DIP2C: variants seen among roughly 807,000 people sequenced by gnomAD.
The protein encoded by DIP2C is disco-interacting protein 2 homolog C.
In DIP2C, 33 loss-of-function variants were observed where a neutral mutation model predicts 192.4. The ratio of observed to expected loss-of-function variants is 0.17; its 90% CI spans 0.13 to 0.23. The LOEUF (loss-of-function observed/expected upper bound fraction) is 0.23. Among genes scored for constraint, DIP2C ranks in the 10% least tolerant of loss-of-function variants. DIP2C has a pLI of 1.00. For missense variants in DIP2C, 1,537 were observed against 2,110.1 expected, an observed-to-expected ratio of 0.73 and a Z score of 5.32; for synonymous variants, 979 against 864.1, an observed-to-expected ratio of 1.13 and a Z score of -2.33.
At chr10:687,270 C>T (rs1426064725) in intron 1 of DIP2C, among the ~76,000 whole-genome samples, 1 of 152,180 alleles carries the variant, frequency 6.6e-6, no homozygotes, top group African/African-American at 2.4e-5. Flanking sequence ...CTAATTTAAG[C>T]CTGTAAAACT....
intron 1 of DIP2C, among the ~76,000 whole-genome samples, chr10:591,085 C>T (rs1458113804): frequency 2.2e-5 from 3 of 134,324 alleles, no homozygotes; most frequent in African/African-American, 1.1e-4. Flanking sequence ...GCCGCCACCT[C>T]CATCACAGAT....
At chr10:597,281 C>CA (rs1254964363) in intron 1 of DIP2C, among the ~76,000 whole-genome samples, 1 of 152,222 alleles carries the variant, frequency 6.6e-6, no homozygotes. Flanking sequence ...CCCAGGCCTC[C>CA]AGGTTGCAGG....
At chr10:340,271 CAT>C (rs1240823115) in intron 29 of DIP2C, among the ~76,000 whole-genome samples, 4 of 150,630 alleles carry the variant, frequency 2.7e-5, no homozygotes, top group African/African-American at 9.8e-5. Flanking sequence ...AATATATTAA[CAT>C]ATATTTATTC....
intron 3 of DIP2C, among the ~76,000 whole-genome samples, chr10:462,308 G>C (rs1402874050): frequency 6.6e-6 from 1 of 151,948 alleles, no homozygotes; most frequent in African/African-American, 2.4e-5. Context: ...AAAGAGAGAA[G>C]AATCAAATAG....
intron 1 of DIP2C, among the ~76,000 whole-genome samples, chr10:495,232 CAG>C (rs917791322): frequency 1.6e-4 from 25 of 152,240 alleles, no homozygotes; most frequent in Non-Finnish European, 2.9e-4. Flanking sequence ...GAAGGGGAAA[CAG>C]GGAGATGCTG....
chr10:509,154 C>CG (rs1467502722), intron 1 of DIP2C, among the ~76,000 whole-genome samples: 1 of 152,024 alleles, frequency 6.6e-6, no homozygotes, highest in Non-Finnish European at 1.5e-5. Flanking sequence ...AACTAGGGGT[C>CG]GATTGGTTTT....
intron 3 of DIP2C, among the ~76,000 whole-genome samples, chr10:449,920 C>CAACAAAAAAAAAAAAAAAAAAAA (rs1408389732): frequency 2.2e-5 from 3 of 135,928 alleles, no homozygotes; most frequent in African/African-American, 9.0e-5. Flanking sequence ...TCAACAACAA[C>CAACAAAAAAAAAAAAAAAAAAAA]AAAAAAAAAA....
chr10:422,117 C>T (rs1388107700), intron 5 of DIP2C, among the ~76,000 whole-genome samples: 2 of 152,150 alleles, frequency 1.3e-5, no homozygotes, highest in Non-Finnish European at 2.9e-5. Context: ...GCTCCGTTAT[C>T]GGCGACGTGG....
At chr10:500,619 A>G (rs1194315546) in intron 1 of DIP2C, among the ~76,000 whole-genome samples, 2 of 152,282 alleles carry the variant, frequency 1.3e-5, no homozygotes, top group Non-Finnish European at 2.9e-5. Context: ...AGTGCACACG[A>G]AACACAGACA....
intron 1 of DIP2C, among the ~76,000 whole-genome samples, chr10:616,944 C>T (rs1410860496): frequency 6.6e-6 from 1 of 152,146 alleles, no homozygotes; most frequent in African/African-American, 2.4e-5. Context: ...ATTCCATGGA[C>T]CACCAACCAC....
At chr10:588,858 G>A (rs1851241244) in intron 1 of DIP2C, among the ~76,000 whole-genome samples, 1 of 152,026 alleles carries the variant, frequency 6.6e-6, no homozygotes, top group Non-Finnish European at 1.5e-5. Context: ...CTGTTTCTCT[G>A]GGGTAAATAC....
Position 355,776 on chromosome 10 carries a change from G to A in DIP2C, c.2985+650C>T, listed in dbSNP as rs566139651. On this transcript the variant is annotated intron_variant, in intron 24 of 36. Transcript: ENST00000280886. ...GTCTGCAATAAACATAACTTCTGGT[G>A]TATAAAAAAGTGGTTTAGGGCTCGG... is the stretch of plus-strand genomic sequence containing the variant. 5.3e-5 allele frequency among the ~76,000 whole-genome samples: 8 copies of A among 152,294 alleles called. 1 individual carries two copies. In the South Asian group the frequency reaches 8.3e-4, roughly 16 times the overall value.
intron 17 of DIP2C, among the ~76,000 whole-genome samples, chr10:379,186 G>GGCCCC (rs1962066806): frequency 1.1e-4 from 1 of 9,114 alleles, no homozygotes; most frequent in Non-Finnish European, 2.2e-4. Context: ...CGAGTGCCAC[G>GGCCCC]CCCCCCCCCC....
At chr10:461,596 A>G (rs951018107) in intron 3 of DIP2C, among the ~76,000 whole-genome samples, 3 of 152,210 alleles carry the variant, frequency 2.0e-5, no homozygotes, top group Non-Finnish European at 4.4e-5. Context: ...GGGAGGCTTT[A>G]ACACCCCAAC....
intron 1 of DIP2C, among the ~76,000 whole-genome samples, chr10:622,906 GAGA>G (rs1435537498): frequency 6.6e-6 from 1 of 152,154 alleles, no homozygotes; most frequent in African/African-American, 2.4e-5. Context: ...ATTAGAGCTC[GAGA>G]AGCTCAAATG....
At chr10:619,514 C>T (rs184636600) in intron 1 of DIP2C, among the ~76,000 whole-genome samples, 1 of 108,470 alleles carries the variant, frequency 9.2e-6, no homozygotes, top group Admixed American at 8.9e-5. Context: ...GGCTTTATGC[C>T]AGGGCCAGGA....
Position 329,579 on chromosome 10 carries a change from T to C in DIP2C, c.3607A>G (p.Ile1203Val), listed in dbSNP as rs754839229. 1.9e-6 allele frequency: 3 copies of C among 1,614,100 alleles called. No individual in the cohort carries two copies. Among genetic ancestry groups the C allele is most frequent in the South Asian group, 2.2e-5 (2 of 91,066 alleles). Residue 1203 changes from isoleucine to valine, a missense_variant, in exon 30 of 37, where the codon ATC becomes GTC. Transcript: ENST00000280886. ...TCCAGCTCAGAGGGCGGGATCAGGA[T>C]GGACTGGTGCCCAGAATACACACTG... The part of the protein sequence containing the change: ...LCSVYSGHQS[I>V]LIPPSELETN...
In DIP2C at chr10:433,305, T is replaced by C. The variant is rs576064641; in HGVS notation, c.394+7566A>G. Among the ~76,000 whole-genome samples, 9 of 152,382 alleles carry C rather than the reference T, an allele frequency of 5.9e-5. No homozygotes were observed. The South Asian group carries it at 1.7e-3, about 28-fold the overall frequency. ...ACATTTAAGGATTGTTTTATCTTCT[T>C]GGAGAAAATAATCATCTCTGGTAAC... On this transcript the variant is annotated intron_variant, in intron 4 of 36. Transcript: ENST00000280886.
chr10:326,664 G>A (rs890168296), intron 31 of DIP2C, among the ~76,000 whole-genome samples: 5 of 152,332 alleles, frequency 3.3e-5, no homozygotes, highest in African/African-American at 7.2e-5. Context: ...GTCTACACGC[G>A]TGGGACTAAG....
Sources: allele counts gnomAD v4.1 joint callset (sites outside exome capture counted in the v4.1 genomes callset), GRCh38; gene constraint gnomAD v4.1.1; transcripts MANE v1.5; gene names NCBI Gene and HGNC (gene_info 2026-07-23, HGNC 2026-07-21).